Variants in UTRN observed in about 807,000 individuals in gnomAD.
The protein encoded by UTRN is utrophin, also known as dystrophin-related protein 1.
UTRN carries 283 observed loss-of-function variants against 463.9 expected under a neutral mutation model. The observed-to-expected ratio is 0.61, with a 90% CI of 0.55 to 0.67. UTRN has a LOEUF of 0.67. Among genes scored for constraint, UTRN ranks in the 30% least tolerant of loss-of-function variants. The probability of loss-of-function intolerance (pLI) is 0.00; values close to 1 mark genes in which losing one functional copy is unlikely to be tolerated. For synonymous variants in UTRN, 1,442 were observed against 1,431.5 expected, an observed-to-expected ratio of 1.01 and a Z score of -0.17; for missense variants, 3,922 against 4,084.3, an observed-to-expected ratio of 0.96 and a Z score of 1.08.
intron 51 of UTRN, among the ~76,000 whole-genome samples, chr6:144,667,231 A>G (rs1780510780): frequency 6.6e-6 from 1 of 151,662 alleles, no homozygotes; most frequent in South Asian, 2.1e-4. Context: ...ATTTTTTTCT[A>G]TTTTTATGAG....
chr6:144,410,775 A>G (rs927931630), intron 3 of UTRN, among the ~76,000 whole-genome samples: 2 of 150,012 alleles, frequency 1.3e-5, no homozygotes, highest in Admixed American at 6.6e-5. Flanking sequence ...TGATGGCTGA[A>G]TAGTATTCCA....
At chr6:144,813,400 G>A (rs940370019) in intron 65 of UTRN, among the ~76,000 whole-genome samples, 2 of 152,022 alleles carry the variant, frequency 1.3e-5, no homozygotes, top group Non-Finnish European at 2.9e-5. Flanking sequence ...TGTTAGCCAG[G>A]ATGATCTCGA....
intron 41 of UTRN, among the ~76,000 whole-genome samples, chr6:144,526,298 G>C (rs1236626952): frequency 2.0e-5 from 3 of 152,132 alleles, no homozygotes; most frequent in Admixed American, 1.3e-4. Flanking sequence ...GTCCACCACT[G>C]TTAATGTGTT....
At chr6:144,690,714 C>T (rs886794719) in intron 52 of UTRN, among the ~76,000 whole-genome samples, 1 of 152,152 alleles carries the variant, frequency 6.6e-6, no homozygotes, top group East Asian at 1.9e-4. Flanking sequence ...CAGCACATCC[C>T]GATGTGGTTC....
intron 2 of UTRN, among the ~76,000 whole-genome samples, chr6:144,356,572 G>A (rs908328220): frequency 6.6e-6 from 1 of 152,142 alleles, no homozygotes; most frequent in African/African-American, 2.4e-5. Context: ...CAGCACTTTG[G>A]GACGTTTAGG....
At chr6:144,848,848 A>G (rs1430689557) in intron 74 of UTRN, among the ~76,000 whole-genome samples, 2 of 152,178 alleles carry the variant, frequency 1.3e-5, no homozygotes, top group Non-Finnish European at 2.9e-5. Flanking sequence ...GTGAAGGAAC[A>G]TGACCTACGG....
At chr6:144,727,723 C>A (rs925643356) in intron 53 of UTRN, among the ~76,000 whole-genome samples, 2 of 152,116 alleles carry the variant, frequency 1.3e-5, no homozygotes, top group Non-Finnish European at 2.9e-5. Flanking sequence ...TGAGATCGCA[C>A]CACTGCACTC....
chr6:144,422,327 G>T (rs184182953), intron 4 of UTRN, among the ~76,000 whole-genome samples: 295 of 152,278 alleles, frequency 1.9e-3, no homozygotes, highest in African/African-American at 6.9e-3. Flanking sequence ...TTTTAAAACA[G>T]TTGTTAAGGC....
Position 144,479,979 on chromosome 6 carries a change from GA to G in UTRN, c.3506del (p.Lys1169ArgfsTer12), listed in dbSNP as rs1312121778. On this transcript the variant is annotated frameshift_variant and splice_region_variant, in exon 26 of 75. Coordinates refer to ENST00000367545, the MANE Select transcript of UTRN (RefSeq NM_007124.3). LOFTEE classifies it high-confidence loss of function. ...EELESAVEEM[K>X]RAKEDVLQKE... ...AGCTTGAGAGTGCTGTGGAAGAGAT[GA>G]AGGTGAGGCGGGGACGACCAGTGCC... 1 of 1,613,720 alleles carries G rather than the reference GA, an allele frequency of 6.2e-7. No individual in the cohort carries two copies. Among genetic ancestry groups the G allele is most frequent in the Non-Finnish European group, 8.5e-7 (1 of 1,179,876 alleles).
chr6:144,801,203 T>G (rs995639384), intron 64 of UTRN, among the ~76,000 whole-genome samples: 1 of 152,100 alleles, frequency 6.6e-6, no homozygotes, highest in African/African-American at 2.4e-5. Flanking sequence ...AAATTTGTAT[T>G]TCGAATGAGA....
chr6:144,646,304 AG>A (rs1055219104), intron 51 of UTRN, among the ~76,000 whole-genome samples: 26 of 152,294 alleles, frequency 1.7e-4, no homozygotes, highest in African/African-American at 6.0e-4. Context: ...ACTCCAGTAA[AG>A]TCAAAGCATT....
chr6:144,498,640 C>T (rs545933489), intron 33 of UTRN, among the ~76,000 whole-genome samples: 1 of 151,544 alleles, frequency 6.6e-6, no homozygotes, highest in Non-Finnish European at 1.5e-5. Context: ...GTGTTTTTCT[C>T]GCTTAATACA....
At chr6:144,379,385 C>A (rs1258228370) in intron 2 of UTRN, among the ~76,000 whole-genome samples, 1 of 152,092 alleles carries the variant, frequency 6.6e-6, no homozygotes, top group Admixed American at 6.6e-5. Flanking sequence ...TGAAGCTTGA[C>A]CGAGGCTAGA....
intron 63 of UTRN, among the ~76,000 whole-genome samples, chr6:144,794,657 T>C (rs1369375874): frequency 1.3e-5 from 2 of 152,246 alleles, no homozygotes; most frequent in Non-Finnish European, 2.9e-5. Flanking sequence ...TGTTGTATCC[T>C]GTCTTAGTTC....
intron 41 of UTRN, among the ~76,000 whole-genome samples, chr6:144,529,375 C>T (rs540647209): frequency 7.2e-5 from 11 of 152,260 alleles, no homozygotes; most frequent in South Asian, 4.1e-4. Context: ...TATGTTCCTG[C>T]GGTAGTTCTT....
chr6:144,796,855 T>A, intron 63 of UTRN, among the ~76,000 whole-genome samples: 1 of 152,158 alleles, frequency 6.6e-6, no homozygotes, highest in East Asian at 1.9e-4. Flanking sequence ...ACAAAAAATA[T>A]CAAATGCAAA....
Position 144,732,267 on chromosome 6 carries a change from T to TATATATAC in UTRN, c.7939+1788_7939+1789insCATATATA, listed in dbSNP as rs1554360097. 3.0e-4 allele frequency among the ~76,000 whole-genome samples: 27 copies of TATATATAC among 89,700 alleles called. 1 individual carries two copies. The highest frequency in any genetic ancestry group is 1.7e-3 in the African/African-American group (27 of 16,128). 58.8% of individuals were successfully genotyped at this position (89,700 alleles called of 152,430 possible). ...ATATATATATATATATACACACATATATATATATATACACACATATATATA... is the reference window on the plus strand; with the variant it reads ...ATATATATATATATATACACACATATATATATACATATATATATACACACATATATATA... On this transcript the variant is annotated intron_variant, in intron 54 of 74. Coordinates refer to ENST00000367545, the MANE Select transcript of UTRN (RefSeq NM_007124.3).
At chr6:144,824,602 A>ATCTC (rs1779961677) in intron 66 of UTRN, among the ~76,000 whole-genome samples, 1 of 37,976 alleles carries the variant, frequency 2.6e-5, no homozygotes, top group African/African-American at 2.1e-4. Flanking sequence ...ATATATATAT[A>ATCTC]TATATATATA....
At chr6:144,295,511 A>G (rs1483422091) in intron 2 of UTRN, among the ~76,000 whole-genome samples, 2 of 152,244 alleles carry the variant, frequency 1.3e-5, no homozygotes, top group African/African-American at 4.8e-5. Flanking sequence ...ACATTTTTGG[A>G]TAATTCAATG....
Sources: gnomAD v4.1 joint callset for allele counts (sites outside exome capture counted in the v4.1 genomes callset) on GRCh38, gnomAD v4.1.1 for gene constraint, MANE v1.5 for transcripts, NCBI Gene and HGNC (gene_info 2026-07-23, HGNC 2026-07-21) for gene names.